Variants in POU4F2 observed in about 807,000 individuals in gnomAD.
POU4F2 encodes the protein POU domain, class 4, transcription factor 2.
In POU4F2, 10 loss-of-function variants were observed where a neutral mutation model predicts 21.5. The observed-to-expected ratio is 0.46, with a 90% CI of 0.29 to 0.79. The LOEUF is 0.79. Ranked by LOEUF, POU4F2 falls within the 30% of genes least tolerant of loss-of-function variation. The pLI is 0.10. For missense variants in POU4F2, 623 were observed against 603.3 expected, an observed-to-expected ratio of 1.03 and a Z score of -0.34; for synonymous variants, 324 against 271.1, an observed-to-expected ratio of 1.20 and a Z score of -1.92.
chr4:146,640,893 T>G lies in POU4F2; in HGVS notation c.*85T>G. 1 of 1,357,140 alleles carries G rather than the reference T, an allele frequency of 7.4e-7. No homozygotes were observed. Among genetic ancestry groups the G allele is most frequent in the Non-Finnish European group, 9.9e-7 (1 of 1,012,074 alleles). The allele number at this position is 1,357,140 out of a possible 1,614,324, so 84.1% of individuals were successfully genotyped here. ...TCTGCCTCTTTTCACTTTTGGCGAC[T>G]AGAAACAATTCCAGTAAATGTGAAT... On this transcript the variant is annotated 3_prime_UTR_variant, in exon 2 of 2. Transcript: ENST00000281321. This position sits in a 1 kb window ranked among gnomAD's most constrained non-coding sequence, Gnocchi z 4.8.
chr4:146,640,263 C>T lies in POU4F2; in HGVS notation c.685C>T (p.His229Tyr), dbSNP rs916501430. The T allele has an allele frequency of 6.3e-7, 1 of 1,575,552 alleles. No homozygotes were observed. Among genetic ancestry groups the T allele is most frequent in the Non-Finnish European group, 8.6e-7 (1 of 1,165,238 alleles). Residue 229 changes from histidine to tyrosine, a missense_variant, in exon 2 of 2, where the codon CAC (histidine) becomes TAC (tyrosine). His to Tyr is a moderately conservative substitution (Grantham distance 83). Transcript: ENST00000281321. This position sits in a 1 kb window ranked among gnomAD's most constrained non-coding sequence, Gnocchi z 4.8. ...GCACATGGCCACCATGAACCCCATGCACCAAGCAGCGCTCAGCATGGCCCA... is the reference window on the plus strand; with the variant it reads ...GCACATGGCCACCATGAACCCCATGTACCAAGCAGCGCTCAGCATGGCCCA... ...APHMATMNPM[H>Y]QAALSMAHAH...
chr4:146,640,309 A>G lies in POU4F2; in HGVS notation c.731A>G (p.His244Arg), dbSNP rs765756416. 6.4e-7 allele frequency: 1 copy of G among 1,571,086 alleles called. No individual in the cohort carries two copies. Among genetic ancestry groups the G allele is most frequent in the Non-Finnish European group, 8.6e-7 (1 of 1,162,508 alleles). ...GCCCACGCGCACGGGCTGCCGTCGCACATGGGCTGCATGAGCGACGTGGAC... is the reference window on the plus strand; with the variant it reads ...GCCCACGCGCACGGGCTGCCGTCGCGCATGGGCTGCATGAGCGACGTGGAC... ...SMAHAHGLPS[H>R]MGCMSDVDAD... Residue 244 changes from histidine to arginine, a missense_variant, in exon 2 of 2, where the codon CAC becomes CGC. Around this residue, in one of 3 missense-constraint regions of POU4F2, gnomAD observed 523 missense variants for 504.1 expected, o/e 1.04. Transcript: ENST00000281321. This position sits in a 1 kb window ranked among gnomAD's most constrained non-coding sequence, Gnocchi z 4.8.
rs769762929 is a variant in POU4F2 at position 146,640,188 on chromosome 4, G to T, written c.610G>T (p.Ala204Ser). Residue 204 changes from alanine to serine, a missense_variant, in exon 2 of 2, where the codon GCT (alanine) becomes TCT (serine). Physicochemically the swap from Ala to Ser is moderately conservative, Grantham distance 99. Transcript: ENST00000281321. This position sits in a 1 kb window ranked among gnomAD's most constrained non-coding sequence, Gnocchi z 4.8. ...EHLSPGLALG[A>S]MAGPDGAVVS... ...CCTGAGTCCCGGGCTGGCCCTGGGC[G>T]CTATGGCGGGCCCCGACGGCGCTGT... The T allele has an allele frequency of 3.8e-5, 60 of 1,582,836 alleles. No individual in the cohort carries two copies. Among genetic ancestry groups the T allele is most frequent in the East Asian group, 3.5e-4 (15 of 43,374 alleles).
At chr4:146,639,545 C>CCT (rs199989946) in intron 1 of POU4F2, 117 bp downstream of exon 1, 26,894 of 1,335,984 alleles carry the variant, frequency 0.02, 248 homozygotes, top group South Asian at 0.037. Context: ...CCAATTTTCC[C>CCT]CTCTCTCTCT....
rs1553998603 is a variant in POU4F2 at position 146,639,332 on chromosome 4, C to CGGT, written c.194_195insTGG (p.Gly68dup). 7.4e-7 allele frequency: 1 copy of CGGT among 1,349,554 alleles called. No homozygotes were observed. The highest frequency in any genetic ancestry group is 9.9e-7 in the Non-Finnish European group (1 of 1,010,758). The allele number at this position is 1,349,554 out of a possible 1,614,324, so 83.6% of individuals were successfully genotyped here. Reference sequence around the variant, plus strand: ...GCGGCGGCGGCGGCGGCGGCGGCGGCGGCGGCGGAGGCCGAAGCAGCAGCT... The same window carrying CGGT: ...GCGGCGGCGGCGGCGGCGGCGGCGGCGGTGGCGGCGGAGGCCGAAGCAGCAGCT... On this transcript the variant is annotated inframe_insertion, in exon 1 of 2. Coordinates refer to ENST00000281321, the MANE Select transcript of POU4F2 (RefSeq NM_004575.3).
chr4:146,639,786 G>A (rs1044384128), intron 1 of POU4F2, 81 bp from the exon 2 acceptor site: 28 of 1,390,004 alleles, frequency 2.0e-5, no homozygotes, highest in Non-Finnish European at 2.6e-5. Context: ...CGACGGTGTC[G>A]AGCCCTGGGC....
intron 1 of POU4F2, among the ~76,000 whole-genome samples, chr4:146,639,636 T>C (rs565594840): frequency 2.6e-5 from 4 of 152,146 alleles, no homozygotes; most frequent in Non-Finnish European, 1.5e-5. Flanking sequence ...GTGTTGTGTT[T>C]CGTTGTGTCT....
chr4:146,641,635 T>C lies in POU4F2; in HGVS notation c.*827T>C, dbSNP rs964108615. 13 of 152,798 alleles carry C rather than the reference T, an allele frequency of 8.5e-5. No individual in the cohort carries two copies. The highest frequency in any genetic ancestry group is 1.2e-4 in the Non-Finnish European group (8 of 68,038). 9.5% of individuals were successfully genotyped at this position (152,798 alleles called of 1,614,324 possible). On this transcript the variant is annotated 3_prime_UTR_variant, in exon 2 of 2. Coordinates refer to ENST00000281321, the MANE Select transcript of POU4F2 (RefSeq NM_004575.3). ...CCGAATTTTTACAGCTTTCCTCCTA[T>C]ACTGTGTTCCTTTTGACCCATTTGT... is the stretch of plus-strand genomic sequence containing the variant.
intron 1 of POU4F2, 86 bp downstream of exon 1, chr4:146,639,514 CA>C: frequency 7.0e-7 from 1 of 1,432,260 alleles, no homozygotes; most frequent in South Asian, 1.7e-5. Flanking sequence ...GTCTGCACAG[CA>C]AATCACCCCA....
In POU4F2 at chr4:146,640,595, C is replaced by T; in HGVS notation, c.1017C>T (p.Leu339=). ...SHREKLTKPE[L]FNGAEKKRKR... ...GCGAGAAGCTCACCAAGCCTGAACT[C>T]TTCAATGGCGCGGAGAAGAAGCGCA... is the stretch of plus-strand genomic sequence containing the variant. Residue 339 remains leucine, a synonymous_variant, in exon 2 of 2, where the codon CTC becomes CTT. Transcript: ENST00000281321. This position sits in a 1 kb window ranked among gnomAD's most constrained non-coding sequence, Gnocchi z 4.8. 6.2e-7 allele frequency: 1 copy of T among 1,614,166 alleles called. No homozygotes were observed. The highest frequency in any genetic ancestry group is 8.5e-7 in the Non-Finnish European group (1 of 1,179,988).
Position 146,639,002 on chromosome 4 carries a change from C to G in POU4F2, c.-139C>G, listed in dbSNP as rs1433652056. On this transcript the variant is annotated 5_prime_UTR_variant, in exon 1 of 2. Transcript: ENST00000281321. Reference sequence around the variant, plus strand: ...GTAGCCGAGATCAGGCGTACAGAGTCCGGAGGCGGCGGCGGGTGAGCTCAA... The same window carrying G: ...GTAGCCGAGATCAGGCGTACAGAGTGCGGAGGCGGCGGCGGGTGAGCTCAA... 9.1e-7 allele frequency: 1 copy of G among 1,101,630 alleles called. No homozygotes were observed. The highest frequency in any genetic ancestry group is 1.3e-6 in the Non-Finnish European group (1 of 791,318). The allele number at this position is 1,101,630 out of a possible 1,614,324, so 68.2% of individuals were successfully genotyped here.
In POU4F2 at chr4:146,640,315, G is replaced by T; in HGVS notation, c.737G>T (p.Gly246Val). Residue 246 changes from glycine (G) to valine (V), a missense_variant, in exon 2 of 2, where the codon GGC becomes GTC. Gly to Val is a moderately radical substitution (Grantham distance 109). This residue lies in a region of POU4F2 where 523 missense variants were observed against 504.1 expected (regional missense o/e 1.04). Coordinates refer to ENST00000281321, the MANE Select transcript of POU4F2 (RefSeq NM_004575.3). This position sits in a 1 kb window ranked among gnomAD's most constrained non-coding sequence, Gnocchi z 4.8. The stretch of plus-strand genomic sequence containing the variant: ...GCGCACGGGCTGCCGTCGCACATGG[G>T]CTGCATGAGCGACGTGGACGCCGAC... The part of the protein sequence containing the change: ...AHAHGLPSHM[G>V]CMSDVDADPR... 1 of 1,572,734 alleles carries T rather than the reference G, an allele frequency of 6.4e-7. No individual in the cohort carries two copies. The highest frequency in any genetic ancestry group is 8.6e-7 in the Non-Finnish European group (1 of 1,163,410).
Position 146,639,908 on chromosome 4 carries a change from C to T in POU4F2, c.330C>T (p.Arg110=), listed in dbSNP as rs1579459671. Residue 110 remains arginine (R), a synonymous_variant, in exon 2 of 2, where the codon CGC becomes CGT. Transcript: ENST00000281321. ...FGGLDESLLA[R]AEALAAVDIV... ...GGCTGGATGAGAGTCTGCTGGCCCG[C>T]GCCGAGGCTCTGGCAGCCGTGGACA... 1 of 1,575,492 alleles carries T rather than the reference C, an allele frequency of 6.3e-7. No individual in the cohort carries two copies. The highest frequency in any genetic ancestry group is 8.6e-7 in the Non-Finnish European group (1 of 1,159,210).
rs187961734 is a variant in POU4F2 at position 146,639,782 on chromosome 4, T to C, written c.289-85T>C. 1.9e-4 allele frequency: 251 copies of C among 1,331,564 alleles called. 2 individuals carry two copies. The South Asian group carries it at 2.8e-3, about 15-fold the overall frequency. 82.5% of individuals were successfully genotyped at this position (1,331,564 alleles called of 1,614,324 possible). On this transcript the variant is annotated intron_variant, in intron 1 of 1. Transcript: ENST00000281321. ...GGGAATGTTGTAGGCGCGGCGACGG[T>C]GTCGAGCCCTGGGCCGGGGCTTCCG...
At position 146,639,989 on chromosome 4, in the gene POU4F2, A is replaced by C; in HGVS notation, c.411A>C (p.Lys137Asn). 6.2e-7 allele frequency: 1 copy of C among 1,612,598 alleles called. No homozygotes were observed. The highest frequency in any genetic ancestry group is 8.5e-7 in the Non-Finnish European group (1 of 1,179,694). ...ATCCACCCCACCACAGCCCCTTCAAACCGGACGCCACCTACCACACTATGA... is the reference window on the plus strand; with the variant it reads ...ATCCACCCCACCACAGCCCCTTCAACCCGGACGCCACCTACCACACTATGA... ...HHHPPHHSPF[K>N]PDATYHTMNT... The change falls in exon 2 of 2, where the codon AAA becomes AAC. Residue 137 changes from lysine to asparagine, a missense_variant. By Grantham distance (94) the Lys-to-Asn change is moderately conservative. Transcript: ENST00000281321.
chr4:146,639,152 G>GTCCCT lies in POU4F2; in HGVS notation c.13_17dup (p.Asn7ProfsTer2). On this transcript the variant is annotated frameshift_variant, in exon 1 of 2. Coordinates refer to ENST00000281321, the MANE Select transcript of POU4F2 (RefSeq NM_004575.3). LOFTEE classifies it high-confidence loss of function. ...CGGCGGGCGGGAAGATGATGATGAT[G>GTCCCT]TCCCTGAACAGCAAGCAGGCGTTTA... 1 of 1,605,710 alleles carries GTCCCT rather than the reference G, an allele frequency of 6.2e-7. No homozygotes were observed. Among genetic ancestry groups the GTCCCT allele is most frequent in the Non-Finnish European group, 8.5e-7 (1 of 1,176,852 alleles).
chr4:146,639,881 C>G lies in POU4F2; in HGVS notation c.303C>G (p.Gly101=). 1.3e-6 allele frequency: 2 copies of G among 1,543,614 alleles called. No individual in the cohort carries two copies. Among genetic ancestry groups the G allele is most frequent in the Non-Finnish European group, 1.7e-6 (2 of 1,144,018 alleles). ...TACAATTGCAGAGCAATATATTCGG[C>G]GGGCTGGATGAGAGTCTGCTGGCCC... The part of the protein sequence containing the change: ...CLPTPPSNIF[G]GLDESLLARA... The change falls in exon 2 of 2, where the codon GGC becomes GGG. Residue 101 remains glycine, a synonymous_variant. Coordinates refer to ENST00000281321, the MANE Select transcript of POU4F2 (RefSeq NM_004575.3).
In POU4F2 at chr4:146,639,168, C is replaced by T; in HGVS notation, c.28C>T (p.Gln10Ter). 6.2e-7 allele frequency: 1 copy of T among 1,608,046 alleles called. No individual in the cohort carries two copies. Among genetic ancestry groups the T allele is most frequent in the Non-Finnish European group, 8.5e-7 (1 of 1,177,816 alleles). MMMMSLNSKQAFSMPHGGSL... is the reference protein window; with the variant it reads MMMMSLNSK ...GATGATGATGTCCCTGAACAGCAAG[C>T]AGGCGTTTAGCATGCCGCACGGCGG... The change falls in exon 1 of 2, where the codon CAG (glutamine) becomes TAG (stop). Residue 10 changes from glutamine to a stop codon, truncating the protein, a stop_gained. Transcript: ENST00000281321. LOFTEE classifies it high-confidence loss of function.
Position 146,640,335 on chromosome 4 carries a change from G to T in POU4F2, c.757G>T (p.Ala253Ser). ...CATGGGCTGCATGAGCGACGTGGAC[G>T]CCGACCCGCGGGACCTGGAGGCATT... is the stretch of plus-strand genomic sequence containing the variant. ...SHMGCMSDVD[A>S]DPRDLEAFAE... Residue 253 changes from alanine to serine, a missense_variant, in exon 2 of 2, where the codon GCC (alanine) becomes TCC (serine). Physicochemically the swap from Ala to Ser is moderately conservative, Grantham distance 99. This residue lies in a region of POU4F2 where 523 missense variants were observed against 504.1 expected (regional missense o/e 1.04). Transcript: ENST00000281321. The surrounding 1 kb of genome is among the most constrained non-coding windows in gnomAD (Gnocchi z 4.8). The T allele has an allele frequency of 3.2e-6, 5 of 1,580,320 alleles. No individual in the cohort carries two copies. The highest frequency in any genetic ancestry group is 4.3e-6 in the Non-Finnish European group (5 of 1,166,960).
Sources: allele counts gnomAD v4.1 joint callset (sites outside exome capture counted in the v4.1 genomes callset), GRCh38; gene constraint gnomAD v4.1.1; regional missense constraint gnomAD v4.1.1; non-coding constraint Gnocchi (gnomAD v3.1); transcripts MANE v1.5; gene names NCBI Gene and HGNC (gene_info 2026-07-23, HGNC 2026-07-21).